The following FOXP1 variants were observed in gnomAD, a reference collection of about 807,000 sequenced individuals.
FOXP1 encodes the protein forkhead box protein P1.
A neutral mutation model predicts 98.2 loss-of-function variants in FOXP1; 15 were observed. The ratio of observed to expected loss-of-function variants is 0.15; its 90% CI spans 0.10 to 0.24. The LOEUF is 0.24. FOXP1 is among the 10% of genes least tolerant of loss of function. The pLI is 1.00. For missense variants in FOXP1, 633 were observed against 848.5 expected (o/e 0.75, Z 3.15); for synonymous variants, 371 against 314.5 (o/e 1.18, Z -1.90).
chr3:71,017,405 A>G (rs2044661982), intron 11 of FOXP1, among the ~76,000 whole-genome samples: 1 of 151,962 alleles, frequency 6.6e-6, no homozygotes, highest in African/African-American at 2.4e-5. Context: ...AAATATTCCA[A>G]CTTTAATAAT....
chr3:71,302,513 T>TAAA (rs34872613), intron 4 of FOXP1, among the ~76,000 whole-genome samples: 44 of 131,780 alleles, frequency 3.3e-4, no homozygotes, highest in Admixed American at 1.6e-3. Flanking sequence ...AGCTTTTATG[T>TAAA]AAAAAAAAAA....
Position 71,098,681 on chromosome 3 carries a change from A to G in FOXP1, c.282+13855T>C, listed in dbSNP as rs376630805. On this transcript the variant is annotated intron_variant, in intron 7 of 20. Transcript: ENST00000649528. ...CAGTTATTCACTAACTCATTCATGAATAAGTGTCTATGCTTTATGTCAGGA... is the reference window on the plus strand; with the variant it reads ...CAGTTATTCACTAACTCATTCATGAGTAAGTGTCTATGCTTTATGTCAGGA... Among the ~76,000 whole-genome samples the G allele has an allele frequency of 1.6e-4, 25 of 152,328 alleles. No homozygotes were observed. The East Asian group carries it at 3.9e-3, about 23-fold the overall frequency.
At chr3:71,266,170 C>A (rs952879057) in intron 5 of FOXP1, among the ~76,000 whole-genome samples, 16 of 152,120 alleles carry the variant, frequency 1.1e-4, no homozygotes, top group South Asian at 4.1e-4. Flanking sequence ...AGCCTTGAGG[C>A]AAGGTGAGAA....
chr3:71,032,655 A>G (rs2047027196), intron 11 of FOXP1, among the ~76,000 whole-genome samples: 1 of 152,190 alleles, frequency 6.6e-6, no homozygotes, highest in African/African-American at 2.4e-5. Flanking sequence ...GGAAAGACCT[A>G]TGGAGCCAGG....
chr3:71,118,520 G>A (rs2058538691), intron 6 of FOXP1, among the ~76,000 whole-genome samples: 1 of 152,172 alleles, frequency 6.6e-6, no homozygotes, highest in Non-Finnish European at 1.5e-5. Flanking sequence ...CTGGTAGAAG[G>A]AGAAAATCTT....
chr3:71,501,364 G>A (rs959442936), intron 2 of FOXP1, among the ~76,000 whole-genome samples: 2 of 145,454 alleles, frequency 1.4e-5, no homozygotes, highest in African/African-American at 2.6e-5. Context: ...GTGCCATCTC[G>A]GCTCACCACC....
intron 5 of FOXP1, among the ~76,000 whole-genome samples, chr3:71,237,027 T>G (rs1374668417): frequency 3.3e-5 from 5 of 149,708 alleles, no homozygotes; most frequent in African/African-American, 1.2e-4. Flanking sequence ...AGGTCAGGAG[T>G]TTGAGACCAG....
At chr3:71,409,079 AG>A (rs1447021895) in intron 3 of FOXP1, among the ~76,000 whole-genome samples, 1 of 152,212 alleles carries the variant, frequency 6.6e-6, no homozygotes, top group East Asian at 1.9e-4. Context: ...CTTTATGAGC[AG>A]GCTCTCACTG....
At chr3:71,244,153 G>C (rs936205349) in intron 5 of FOXP1, among the ~76,000 whole-genome samples, 1 of 152,158 alleles carries the variant, frequency 6.6e-6, no homozygotes, top group Non-Finnish European at 1.5e-5. Flanking sequence ...TGAAACCCCA[G>C]TTTGGTAATA....
Position 71,289,577 on chromosome 3 carries a change from T to A in FOXP1, c.-12+10243A>T, listed in dbSNP as rs147489405. 21 of 152,328 alleles carry A rather than the reference T, an allele frequency of 1.4e-4. 1 individual carries two copies. The highest frequency in any genetic ancestry group is 5.1e-4 in the African/African-American group (21 of 41,544). The allele number at this position is 152,328 out of a possible 1,614,324, so 9.4% of individuals were successfully genotyped here. ...TTTCTGGTTCACAATCTCAGAGTTT[T>A]CATCCCATCTCTGATCTTTCCTGTT... On this transcript the variant is annotated intron_variant, in intron 5 of 20. Transcript: ENST00000649528.
chr3:71,117,868 G>A (rs1045139680), intron 6 of FOXP1, among the ~76,000 whole-genome samples: 4 of 152,142 alleles, frequency 2.6e-5, no homozygotes, highest in Admixed American at 2.6e-4. Context: ...CACAGTTTGA[G>A]GATGTCACAG....
At chr3:71,254,035 T>C (rs759415952) in intron 5 of FOXP1, among the ~76,000 whole-genome samples, 3 of 152,216 alleles carry the variant, frequency 2.0e-5, no homozygotes, top group Non-Finnish European at 2.9e-5. Context: ...CAGAAGTTTC[T>C]ACCTTCCTGA....
At chr3:71,059,319 TAA>T (rs1381594467) in intron 7 of FOXP1, among the ~76,000 whole-genome samples, 2 of 152,178 alleles carry the variant, frequency 1.3e-5, no homozygotes, top group African/African-American at 4.8e-5. Flanking sequence ...CTTTAAATTC[TAA>T]AAAGTGGCAT....
At chr3:71,117,796 A>G (rs1367018046) in intron 6 of FOXP1, among the ~76,000 whole-genome samples, 1 of 152,116 alleles carries the variant, frequency 6.6e-6, no homozygotes, top group Admixed American at 6.5e-5. Context: ...AGATGTGACA[A>G]TTGCCTGGCA....
chr3:71,583,443 TTTTTTCTC>T, intron 1 of FOXP1, 120 bp downstream of exon 1: 1 of 978,368 alleles, frequency 1.0e-6, no homozygotes, highest in South Asian at 4.7e-5. Context: ...TTTTTCCATT[TTTTTTCTC>T]TTTTTCTTTC....
chr3:71,416,969 G>GA lies in FOXP1; in HGVS notation c.-167-57726dup, dbSNP rs909955028. Among the ~76,000 whole-genome samples the GA allele has an allele frequency of 1.9e-4, 29 of 151,850 alleles. No individual in the cohort carries two copies. In the East Asian group the frequency reaches 4.6e-3, roughly 24 times the overall value. ...TGGGACATGATCACATTTGCATTTTGAAAAAAAATCACTCAAGCTGATGAG... is the reference window on the plus strand; with the variant it reads ...TGGGACATGATCACATTTGCATTTTGAAAAAAAAATCACTCAAGCTGATGAG... On this transcript the variant is annotated intron_variant, in intron 3 of 20. Coordinates refer to ENST00000649528, the MANE Select transcript of FOXP1 (RefSeq NM_001349338.3).
intron 2 of FOXP1, among the ~76,000 whole-genome samples, chr3:71,522,243 A>C (rs920373163): frequency 1.3e-5 from 2 of 152,180 alleles, no homozygotes. Flanking sequence ...ACGCTGGGAC[A>C]TCCAATCTAG....
intron 11 of FOXP1, among the ~76,000 whole-genome samples, chr3:71,028,154 T>A (rs887028124): frequency 1.8e-4 from 28 of 152,188 alleles, no homozygotes; most frequent in African/African-American, 5.8e-4. Context: ...ATTTTTTTTT[T>A]AAATTTTGCT....
chr3:71,049,349 G>A (rs1369895569), intron 9 of FOXP1, among the ~76,000 whole-genome samples: 1 of 152,060 alleles, frequency 6.6e-6, no homozygotes, highest in Non-Finnish European at 1.5e-5. Flanking sequence ...TTTGTAGCTC[G>A]ATTTAAAATG....
Sources: allele counts gnomAD v4.1 joint callset (sites outside exome capture counted in the v4.1 genomes callset), GRCh38; gene constraint gnomAD v4.1.1; transcripts MANE v1.5; gene names NCBI Gene and HGNC (gene_info 2026-07-23, HGNC 2026-07-21).